SLC44A3: variants seen among roughly 807,000 people sequenced by gnomAD.
SLC44A3 encodes choline transporter-like protein 3.
Under a neutral mutation model 75.4 loss-of-function variants are expected in SLC44A3, and 74 were observed. That is an observed-to-expected ratio of 0.98 (90% CI 0.81 to 1.19). SLC44A3 has a LOEUF of 1.19. SLC44A3 is among the 50% of genes most tolerant of loss of function. The pLI, the probability that SLC44A3 is intolerant of heterozygous loss-of-function variation, is 0.00. For synonymous variants in SLC44A3, 310 were observed against 296.9 expected (o/e 1.04, Z -0.45); for missense variants, 700 against 778.6 (o/e 0.90, Z 1.20).
intron 12 of SLC44A3, among the ~76,000 whole-genome samples, chr1:94,888,249 T>A (rs1414473633): frequency 1.3e-5 from 2 of 152,186 alleles, no homozygotes; most frequent in African/African-American, 4.8e-5. Context: ...TTTTTCCTAA[T>A]GAAAATTGAT....
At chr1:94,833,250 C>T (rs1432599492) in intron 5 of SLC44A3, among the ~76,000 whole-genome samples, 1 of 152,204 alleles carries the variant, frequency 6.6e-6, no homozygotes. Context: ...CACCAGCATT[C>T]TCTGGGCTTG....
intron 3 of SLC44A3, among the ~76,000 whole-genome samples, chr1:94,825,025 GTA>G (rs1661114721): frequency 6.6e-6 from 1 of 152,192 alleles, no homozygotes; most frequent in African/African-American, 2.4e-5. Context: ...GTTACCAATC[GTA>G]TATGTTTGAA....
rs1553194513 is a variant in SLC44A3 at position 94,824,514 on chromosome 1, G to A, written c.157G>A (p.Val53Met). 2.5e-6 allele frequency: 4 copies of A among 1,608,184 alleles called. No individual in the cohort carries two copies. In the South Asian group the frequency reaches 3.3e-5, roughly 13 times the overall value. Reference protein sequence around the residue: ...TGLVFIMGYSVVAGAAGRLLF... With the variant: ...TGLVFIMGYSMVAGAAGRLLF... ...CCAGGTGTTTATCATGGGCTACTCG[G>A]TGGTGGCTGGAGCCGCGGGAAGACT... Residue 53 changes from valine (V) to methionine (M), a missense_variant, in exon 3 of 15, where the codon GTG becomes ATG. Transcript: ENST00000271227.
intron 9 of SLC44A3, among the ~76,000 whole-genome samples, chr1:94,853,355 G>A (rs1452781511): frequency 2.0e-5 from 3 of 152,222 alleles, no homozygotes; most frequent in African/African-American, 7.2e-5. Flanking sequence ...GAAAGAGTAA[G>A]TATAGACAAT....
intron 5 of SLC44A3, among the ~76,000 whole-genome samples, chr1:94,833,706 C>A (rs542475445): frequency 3.4e-4 from 51 of 152,190 alleles, no homozygotes; most frequent in African/African-American, 1.2e-3. Context: ...TCCATGAAAC[C>A]CTTCTCATCT....
intron 9 of SLC44A3, among the ~76,000 whole-genome samples, chr1:94,848,144 G>C (rs896614575): frequency 2.6e-5 from 4 of 151,336 alleles, no homozygotes; most frequent in African/African-American, 9.7e-5. Flanking sequence ...CAGGAGAATA[G>C]CATGAACCCG....
chr1:94,887,345 T>G (rs1322355357), intron 12 of SLC44A3, among the ~76,000 whole-genome samples: 1 of 141,202 alleles, frequency 7.1e-6, no homozygotes. Context: ...CTCCCCCTAT[T>G]CATTCAGATG....
At chr1:94,875,158 C>T (rs1404656172) in intron 12 of SLC44A3, among the ~76,000 whole-genome samples, 1 of 152,214 alleles carries the variant, frequency 6.6e-6, no homozygotes, top group Non-Finnish European at 1.5e-5. Flanking sequence ...CTGAGCCCGC[C>T]TACACTCTGC....
chr1:94,877,980 A>G (rs905367545), intron 12 of SLC44A3, among the ~76,000 whole-genome samples: 1 of 152,174 alleles, frequency 6.6e-6, no homozygotes, highest in Non-Finnish European at 1.5e-5. Flanking sequence ...CACACCTGTA[A>G]TCCCAGCACT....
At chr1:94,829,055 G>A (rs1252348977) in intron 5 of SLC44A3, among the ~76,000 whole-genome samples, 1 of 152,012 alleles carries the variant, frequency 6.6e-6, no homozygotes, top group Admixed American at 6.6e-5. Context: ...CCTGGCCAAC[G>A]TGGTGAATCC....
chr1:94,877,788 G>C (rs897882005), intron 12 of SLC44A3, among the ~76,000 whole-genome samples: 11 of 152,280 alleles, frequency 7.2e-5, no homozygotes, highest in African/African-American at 2.2e-4. Context: ...TGGCATGGGT[G>C]GGGTAGAGAG....
intron 12 of SLC44A3, among the ~76,000 whole-genome samples, chr1:94,890,401 C>T (rs556504825): frequency 1.3e-5 from 2 of 152,290 alleles, no homozygotes; most frequent in South Asian, 4.1e-4. Flanking sequence ...TGTAGGACTC[C>T]TCTATTCCCT....
At chr1:94,824,786 G>T in intron 3 of SLC44A3, 151 bp downstream of exon 3, 2 of 921,916 alleles carry the variant, frequency 2.2e-6, no homozygotes, top group Non-Finnish European at 1.5e-6. Context: ...ACAGGTAAGA[G>T]TACAAGTTTT....
In SLC44A3 at chr1:94,824,603, C is replaced by G. The variant is rs1240791219; in HGVS notation, c.246C>G (p.Ala82=). Residue 82 remains alanine (A), a synonymous_variant, in exon 3 of 15, where the codon GCC becomes GCG. Transcript: ENST00000271227. ...CGKKNSPVEG[A]PLSGQDMTLK... is the part of the protein sequence containing the mutation. The stretch of plus-strand genomic sequence containing the variant: ...AGAAGAACTCCCCCGTGGAAGGGGC[C>G]CCTCTTTCAGGGCAGGACATGACCC... 4.4e-6 allele frequency: 7 copies of G among 1,608,178 alleles called. No homozygotes were observed. The highest frequency in any genetic ancestry group is 5.9e-6 in the Non-Finnish European group (7 of 1,178,080).
intron 6 of SLC44A3, among the ~76,000 whole-genome samples, 166 bp downstream of exon 6, chr1:94,838,037 G>A (rs960346927): frequency 2.6e-5 from 4 of 152,224 alleles, no homozygotes; most frequent in Non-Finnish European, 2.9e-5. Context: ...GGGGCAATAC[G>A]AATAGAGGAG....
intron 11 of SLC44A3, among the ~76,000 whole-genome samples, chr1:94,866,965 C>T (rs1489150535): frequency 1.3e-5 from 2 of 151,582 alleles, no homozygotes; most frequent in African/African-American, 2.4e-5. Flanking sequence ...GTGGATTTTT[C>T]GTGAATATAA....
In SLC44A3 at chr1:94,839,966, T is replaced by A; in HGVS notation, c.689T>A (p.Met230Lys). 1 of 1,614,194 alleles carries A rather than the reference T, an allele frequency of 6.2e-7. No individual in the cohort carries two copies. Among genetic ancestry groups the A allele is most frequent in the South Asian group, 1.1e-5 (1 of 91,084 alleles). ...TTTTCAGCCTTGTCTTTGGCCATGA[T>A]GTTTACCTTCAGATTCATCACCACC... is the stretch of plus-strand genomic sequence containing the variant. The part of the protein sequence containing the change: ...ILALALSLAM[M>K]FTFRFITTLL... The change falls in exon 7 of 15, where the codon ATG becomes AAG. Residue 230 changes from methionine to lysine, a missense_variant. Physicochemically the swap from Met to Lys is moderately conservative, Grantham distance 95. Transcript: ENST00000271227.
chr1:94,823,279 T>G (rs1165064840), intron 2 of SLC44A3, among the ~76,000 whole-genome samples: 6 of 152,196 alleles, frequency 3.9e-5, no homozygotes, highest in Non-Finnish European at 8.8e-5. Context: ...CAAGGCACAG[T>G]CAGCTTGCCA....
In SLC44A3 at chr1:94,820,809, A is replaced by G. The variant is rs1299217805; in HGVS notation, c.28-140A>G. The G allele has an allele frequency of 1.5e-5, 19 of 1,306,826 alleles. No individual in the cohort carries two copies. The Admixed American group carries it at 2.0e-4, about 14-fold the overall frequency. The allele number at this position is 1,306,826 out of a possible 1,614,324, so 81.0% of individuals were successfully genotyped here. On this transcript the variant is annotated intron_variant, in intron 1 of 14. Coordinates refer to ENST00000271227, the MANE Select transcript of SLC44A3 (RefSeq NM_001114106.3). ...CTGTGTGAAAGAGCTTCAGGTGGCC[A>G]CGTAAAAAAATAATATTAATTTTAA...
Sources: allele counts gnomAD v4.1 joint callset (sites outside exome capture counted in the v4.1 genomes callset), GRCh38; gene constraint gnomAD v4.1.1; transcripts MANE v1.5; gene names NCBI Gene and HGNC (gene_info 2026-07-23, HGNC 2026-07-21).